PDE12: variants seen among roughly 807,000 people sequenced by gnomAD.
PDE12 encodes 2',5'-phosphodiesterase 12.
Under a neutral mutation model 45.4 loss-of-function variants are expected in PDE12, and 26 were observed. That is an observed-to-expected ratio of 0.57 (90% CI 0.42 to 0.79). The LOEUF is 0.79. PDE12 is among the 30% of genes least tolerant of loss of function. The pLI, the probability that PDE12 is intolerant of heterozygous loss-of-function variation, is 0.00. For synonymous variants in PDE12, 283 were observed against 323.9 expected, an observed-to-expected ratio of 0.87 and a Z score of 1.36; for missense variants, 668 against 790.0, an observed-to-expected ratio of 0.85 and a Z score of 1.85.
the PDE12 span, chr3:57,575,742 T>A: frequency 6.8e-7 from 1 of 1,471,832 alleles, no homozygotes; most frequent in Admixed American, 2.2e-5. Flanking sequence ...TCTTCCTATA[T>A]ATACTTTACT....
At chr3:57,646,392 C>T in the PDE12 span, 7 of 1,613,956 alleles carry the variant, frequency 4.3e-6, no homozygotes, top group African/African-American at 1.3e-5. Flanking sequence ...CCCAACAGCA[C>T]CAGCTCCCAG....
chr3:57,597,053 G>A, the PDE12 span: 5 of 1,612,738 alleles, frequency 3.1e-6, no homozygotes, highest in Non-Finnish European at 4.2e-6. Flanking sequence ...GGTCCCGCCT[G>A]ACTCGCAGCC....
the PDE12 span, among the ~76,000 whole-genome samples, chr3:57,602,020 G>T: frequency 6.6e-6 from 1 of 151,914 alleles, no homozygotes; most frequent in African/African-American, 2.4e-5. Flanking sequence ...CTCCCAGAGT[G>T]CTGGGATTAC....
In PDE12 at chr3:57,560,437, T is replaced by C; in HGVS notation, c.*433T>C. 1 of 475,700 alleles carries C rather than the reference T, an allele frequency of 2.1e-6. No homozygotes were observed. The highest frequency in any genetic ancestry group is 8.4e-5 in the South Asian group (1 of 11,912). 29.5% of individuals were successfully genotyped at this position (475,700 alleles called of 1,614,324 possible). On this transcript the variant is annotated 3_prime_UTR_variant, in exon 3 of 3. Coordinates refer to ENST00000311180, the MANE Select transcript of PDE12 (RefSeq NM_177966.7). Reference sequence around the variant, plus strand: ...GCCCCCTGGGTTTAAGCGATTCTCCTGCCTCAGCTTCCCGAGTAGCTGGGA... The same window carrying C: ...GCCCCCTGGGTTTAAGCGATTCTCCCGCCTCAGCTTCCCGAGTAGCTGGGA...
In PDE12 at chr3:57,560,248, T is replaced by G. The variant is rs1309372043; in HGVS notation, c.*244T>G. Reference sequence around the variant, plus strand: ...ATTTCTTACTAGCAAAATAGAAAATTGAATTATTTTTCTCCAAATTGAGAC... The same window carrying G: ...ATTTCTTACTAGCAAAATAGAAAATGGAATTATTTTTCTCCAAATTGAGAC... On this transcript the variant is annotated 3_prime_UTR_variant, in exon 3 of 3. Transcript: ENST00000311180. The G allele has an allele frequency of 1.6e-6, 2 of 1,235,334 alleles. No individual in the cohort carries two copies. Among genetic ancestry groups the G allele is most frequent in the East Asian group, 3.4e-5 (1 of 29,388 alleles). The allele number at this position is 1,235,334 out of a possible 1,614,324, so 76.5% of individuals were successfully genotyped here. A position where few individuals can be genotyped will look rare whatever the true frequency, so the allele number is the denominator to read the frequency against.
At chr3:57,593,410 A>G in the PDE12 span, among the ~76,000 whole-genome samples, 1 of 152,196 alleles carries the variant, frequency 6.6e-6, no homozygotes, top group Non-Finnish European at 1.5e-5. Context: ...AACAAATATA[A>G]AACACCACTC....
At chr3:57,623,590 A>C in the PDE12 span, among the ~76,000 whole-genome samples, 5 of 152,136 alleles carry the variant, frequency 3.3e-5, no homozygotes, top group Non-Finnish European at 5.9e-5. Flanking sequence ...GAGGCAGGAG[A>C]ATAGCTTGAA....
chr3:57,630,751 G>C, the PDE12 span: 1 of 1,614,018 alleles, frequency 6.2e-7, no homozygotes, highest in Non-Finnish European at 8.5e-7. Context: ...TATTCTAGAG[G>C]TTAGCTGAGG....
the PDE12 span, chr3:57,584,520 A>C: frequency 2.1e-6 from 3 of 1,410,232 alleles, no homozygotes; most frequent in East Asian, 6.9e-5. Flanking sequence ...TCCAAGAAAT[A>C]ATTTTACAAT....
the PDE12 span, among the ~76,000 whole-genome samples, chr3:57,610,026 C>T: frequency 1.3e-5 from 2 of 152,128 alleles, no homozygotes; most frequent in East Asian, 3.8e-4. Flanking sequence ...CACCAAAAAG[C>T]TTATCCATCA....
intron 1 of PDE12, 39 bp downstream of exon 1, chr3:57,557,726 CT>C (rs1417622138): frequency 1.0e-5 from 16 of 1,555,042 alleles, no homozygotes; most frequent in Non-Finnish European, 1.4e-5. Flanking sequence ...TACTGTCCCA[CT>C]TTTAGGGGCC....
the PDE12 span, among the ~76,000 whole-genome samples, chr3:57,629,533 A>G: frequency 8.1e-6 from 1 of 123,922 alleles, no homozygotes; most frequent in African/African-American, 3.1e-5. Context: ...TTTTTTTGAG[A>G]CGGAGTCTCG....
the PDE12 span, chr3:57,628,193 G>A: frequency 7.9e-5 from 126 of 1,603,886 alleles, no homozygotes; most frequent in Non-Finnish European, 1.1e-4. Context: ...ATCCTTTTTG[G>A]CTGGAAAATC....
At chr3:57,642,842 C>T in the PDE12 span, among the ~76,000 whole-genome samples, 1 of 151,996 alleles carries the variant, frequency 6.6e-6, no homozygotes. Context: ...CCCATCTCTA[C>T]TAAAAATACA....
At chr3:57,599,957 T>C in the PDE12 span, 1 of 151,510 alleles carries the variant, frequency 6.6e-6, no homozygotes, top group Non-Finnish European at 1.5e-5. Flanking sequence ...GCCTCCAAAG[T>C]GTTGGGATTA....
the PDE12 span, chr3:57,584,457 C>T: frequency 1.2e-6 from 2 of 1,612,444 alleles, no homozygotes; most frequent in African/African-American, 1.3e-5. Flanking sequence ...CAGCAGCATC[C>T]AATCCAACTA....
chr3:57,615,546 C>T, the PDE12 span, among the ~76,000 whole-genome samples: 1 of 151,988 alleles, frequency 6.6e-6, no homozygotes, highest in East Asian at 1.9e-4. Flanking sequence ...ATAGGCCAGG[C>T]GTGAGCCAGC....
the PDE12 span, among the ~76,000 whole-genome samples, chr3:57,602,610 GC>G: frequency 6.6e-6 from 1 of 152,066 alleles, no homozygotes; most frequent in African/African-American, 2.4e-5. Flanking sequence ...TCGCTCTGCT[GC>G]CCAGGCTGGA....
At chr3:57,655,487 A>C in the PDE12 span, among the ~76,000 whole-genome samples, 1 of 152,254 alleles carries the variant, frequency 6.6e-6, no homozygotes, top group Non-Finnish European at 1.5e-5. Context: ...GAAAATCTAC[A>C]TTACAAAATG....
Sources: gnomAD v4.1 joint callset for allele counts (sites outside exome capture counted in the v4.1 genomes callset) on GRCh38, gnomAD v4.1.1 for gene constraint, MANE v1.5 for transcripts, NCBI Gene and HGNC (gene_info 2026-07-23, HGNC 2026-07-21) for gene names.